Variants in FSTL4 observed in about 807,000 individuals in gnomAD.
The protein encoded by FSTL4 is follistatin like 4.
In FSTL4, 28 loss-of-function variants were observed where a neutral mutation model predicts 78.2. The ratio of observed to expected loss-of-function variants is 0.36; its 90% CI spans 0.27 to 0.49. The LOEUF (loss-of-function observed/expected upper bound fraction) is 0.49. FSTL4 is among the 20% of genes least tolerant of loss of function. FSTL4 has a pLI of 0.98. For missense variants in FSTL4, 922 were observed against 1,084.9 expected (o/e 0.85, Z 2.11); for synonymous variants, 422 against 440.5 (o/e 0.96, Z 0.53).
chr5:133,401,146 C>A (rs530274834), intron 3 of FSTL4, among the ~76,000 whole-genome samples, 160 bp from the exon 4 acceptor site: 1 of 152,312 alleles, frequency 6.6e-6, no homozygotes, highest in East Asian at 1.9e-4. Flanking sequence ...GAGTCCCTGT[C>A]CCTCCATGAG....
chr5:133,832,367 G>A, the FSTL4 span, among the ~76,000 whole-genome samples: 1 of 152,154 alleles, frequency 6.6e-6, no homozygotes, highest in Non-Finnish European at 1.5e-5. Context: ...TCATTGGGTT[G>A]CTTATAAATT....
rs183767957 is a variant in FSTL4, at chr5:133,439,817, C to T, written c.161-38831G>A. Among the ~76,000 whole-genome samples the T allele has an allele frequency of 1.2e-4, 18 of 152,320 alleles. No individual in the cohort carries two copies. The East Asian group carries it at 2.7e-3, about 23-fold the overall frequency. On this transcript the variant is annotated intron_variant, in intron 3 of 15. Transcript: ENST00000265342. ...AAGGCTTTGCCGAAGGGGGCAGGTACGGGGTTTTCATGTACTTAGCCCACC... is the reference window on the plus strand; with the variant it reads ...AAGGCTTTGCCGAAGGGGGCAGGTATGGGGTTTTCATGTACTTAGCCCACC...
Position 133,300,581 on chromosome 5 carries a change from T to G in FSTL4, c.727+12073A>C, listed in dbSNP as rs570391617. On this transcript the variant is annotated intron_variant, in intron 6 of 15. Transcript: ENST00000265342. ...CGAAGGCTGTCAGCCTTCACCAAGG[T>G]GTCAGCAATTTACCGAGGGATGGGT... 5.3e-5 allele frequency among the ~76,000 whole-genome samples: 8 copies of G among 152,284 alleles called. No homozygotes were observed. In the East Asian group the frequency reaches 1.5e-3, roughly 29 times the overall value.
At chr5:133,212,583 T>A (rs1750767978) in intron 13 of FSTL4, among the ~76,000 whole-genome samples, 1 of 151,896 alleles carries the variant, frequency 6.6e-6, no homozygotes, top group Non-Finnish European at 1.5e-5. Context: ...ATAGAACATA[T>A]CCAAATTGAA....
chr5:133,586,379 C>T (rs1760519135), intron 2 of FSTL4, among the ~76,000 whole-genome samples: 1 of 7,176 alleles, frequency 1.4e-4, no homozygotes, highest in Admixed American at 2.6e-3. Flanking sequence ...AATTGATAGA[C>T]CGCTAGCAAG....
At chr5:133,415,889 AT>A (rs1756572737) in intron 3 of FSTL4, among the ~76,000 whole-genome samples, 1 of 152,226 alleles carries the variant, frequency 6.6e-6, no homozygotes, top group Non-Finnish European at 1.5e-5. Flanking sequence ...TTGGACTGGC[AT>A]TGGAGGTATT....
At chr5:133,339,432 C>T (rs1050956700) in intron 4 of FSTL4, among the ~76,000 whole-genome samples, 3 of 152,196 alleles carry the variant, frequency 2.0e-5, no homozygotes, top group Admixed American at 2.0e-4. Context: ...CCTGACCACT[C>T]CTGGCTGGGT....
intron 4 of FSTL4, among the ~76,000 whole-genome samples, chr5:133,356,430 A>C (rs1483136402): frequency 6.6e-6 from 1 of 152,148 alleles, no homozygotes; most frequent in Admixed American, 6.5e-5. Flanking sequence ...ATTTGAGAGG[A>C]AGAAGTATGT....
chr5:133,540,151 G>A (rs1254299551), intron 3 of FSTL4, among the ~76,000 whole-genome samples: 5 of 151,976 alleles, frequency 3.3e-5, no homozygotes, highest in Non-Finnish European at 7.4e-5. Context: ...TGGGTCTCCA[G>A]CCTGCCAGCT....
chr5:133,616,714 C>T (rs1385312965), upstream of FSTL4, among the ~76,000 whole-genome samples: 4 of 152,040 alleles, frequency 2.6e-5, no homozygotes, highest in South Asian at 2.1e-4. Context: ...AGCTTCCATT[C>T]TTCTAAATAA....
chr5:133,346,686 G>A (rs1339265827), intron 4 of FSTL4, among the ~76,000 whole-genome samples: 1 of 152,068 alleles, frequency 6.6e-6, no homozygotes, highest in Non-Finnish European at 1.5e-5. Flanking sequence ...CAGCTCTGGG[G>A]AGTTTTCTTC....
chr5:133,827,989 G>T, the FSTL4 span, among the ~76,000 whole-genome samples: 1 of 152,138 alleles, frequency 6.6e-6, no homozygotes, highest in African/African-American at 2.4e-5. Flanking sequence ...GGGTCACAAA[G>T]CCATCGAGGG....
At chr5:133,501,451 C>T (rs942791776) in intron 3 of FSTL4, among the ~76,000 whole-genome samples, 1 of 152,044 alleles carries the variant, frequency 6.6e-6, no homozygotes, top group Non-Finnish European at 1.5e-5. Flanking sequence ...CAGTGCAGTC[C>T]ATGAGAAAGT....
At chr5:133,323,380 G>A (rs993086053) in intron 4 of FSTL4, among the ~76,000 whole-genome samples, 9 of 152,240 alleles carry the variant, frequency 5.9e-5, no homozygotes, top group African/African-American at 1.9e-4. Context: ...TTCTCTTGGT[G>A]AGATGGGCTC....
chr5:133,612,651 C>G (rs888281538), upstream of FSTL4: 1 of 151,760 alleles, frequency 6.6e-6, no homozygotes, highest in Non-Finnish European at 1.5e-5. The surrounding 1 kb of genome is among the most constrained non-coding windows in gnomAD (Gnocchi z 6.2). Context: ...GCGGCGGCCA[C>G]GGCAGGTGCG....
At chr5:133,211,631 C>T (rs865790707) in intron 13 of FSTL4, among the ~76,000 whole-genome samples, 20 of 152,256 alleles carry the variant, frequency 1.3e-4, no homozygotes, top group Middle Eastern at 3.4e-3. Context: ...GAATTCGTGC[C>T]GAATTCAGAG....
intron 2 of FSTL4, among the ~76,000 whole-genome samples, chr5:133,590,625 C>A (rs1196707800): frequency 1.3e-5 from 2 of 152,190 alleles, no homozygotes; most frequent in Non-Finnish European, 2.9e-5. Flanking sequence ...GAGCTCCCTA[C>A]AGCCACAGGA....
At chr5:133,533,565 C>T (rs1421329414) in intron 3 of FSTL4, among the ~76,000 whole-genome samples, 1 of 152,156 alleles carries the variant, frequency 6.6e-6, no homozygotes, top group Non-Finnish European at 1.5e-5. Flanking sequence ...ATACTTAAGC[C>T]ACCCAGTCCG....
intron 4 of FSTL4, among the ~76,000 whole-genome samples, chr5:133,390,473 CAT>C (rs1755816918): frequency 6.6e-6 from 1 of 152,254 alleles, no homozygotes. Flanking sequence ...ATCTGGCCCT[CAT>C]GAGGCACCCA....
Sources: gnomAD v4.1 joint callset for allele counts (sites outside exome capture counted in the v4.1 genomes callset) on GRCh38, gnomAD v4.1.1 for gene constraint, Gnocchi (gnomAD v3.1) non-coding constraint, MANE v1.5 for transcripts, NCBI Gene and HGNC (gene_info 2026-07-23, HGNC 2026-07-21) for gene names.